Variants in SHROOM3 observed in about 807,000 individuals in gnomAD.
SHROOM3 encodes the protein protein Shroom3.
SHROOM3 carries 47 observed loss-of-function variants against 138.6 expected under a neutral mutation model. The ratio of observed to expected loss-of-function variants is 0.34; its 90% CI spans 0.27 to 0.43. The LOEUF is 0.43. SHROOM3 is among the 20% of genes least tolerant of loss of function. The pLI is 1.00. For synonymous variants in SHROOM3, 1,062 were observed against 1,063.3 expected, an observed-to-expected ratio of 1.00 and a Z score of 0.02; for missense variants, 2,491 against 2,596.5, an observed-to-expected ratio of 0.96 and a Z score of 0.88.
intron 2 of SHROOM3, among the ~76,000 whole-genome samples, chr4:76,709,371 T>G (rs545069622): frequency 6.6e-6 from 1 of 152,330 alleles, no homozygotes; most frequent in South Asian, 2.1e-4. Context: ...CAAAGCCTGA[T>G]GCAGGGGACA....
intron 1 of SHROOM3, among the ~76,000 whole-genome samples, chr4:76,535,644 ATGTT>A (rs547560241): frequency 1.2e-4 from 18 of 152,352 alleles, no homozygotes; most frequent in Non-Finnish European, 2.4e-4. Context: ...AAGTAATTTC[ATGTT>A]TATGGAAAAC....
At chr4:76,533,779 A>G (rs545978437) in intron 1 of SHROOM3, among the ~76,000 whole-genome samples, 1 of 152,344 alleles carries the variant, frequency 6.6e-6, no homozygotes, top group African/African-American at 2.4e-5. Context: ...TTAATTTTTT[A>G]AAAGGAGTTT....
intron 2 of SHROOM3, among the ~76,000 whole-genome samples, chr4:76,652,344 CAG>C (rs763873511): frequency 9.2e-5 from 14 of 152,066 alleles, no homozygotes; most frequent in Non-Finnish European, 1.6e-4. Context: ...AAGGTTCAGA[CAG>C]GGGGTCATGC....
At position 76,515,809 on chromosome 4, in the gene SHROOM3, G is replaced by A. The variant is rs190008702; in HGVS notation, c.169-39800G>A. Among the ~76,000 whole-genome samples the A allele has an allele frequency of 3.2e-4, 48 of 152,318 alleles. 1 individual carries two copies. The East Asian group carries it at 7.5e-3, about 24-fold the overall frequency. Reference sequence around the variant, plus strand: ...ATTTAAAGTCATGTTGAGAAGTCATGTAGGTGGTCTTTCTTCTAAGCTAGG... The same window carrying A: ...ATTTAAAGTCATGTTGAGAAGTCATATAGGTGGTCTTTCTTCTAAGCTAGG... On this transcript the variant is annotated intron_variant, in intron 1 of 10. Coordinates refer to ENST00000296043, the MANE Select transcript of SHROOM3 (RefSeq NM_020859.4).
intron 3 of SHROOM3, among the ~76,000 whole-genome samples, chr4:76,728,641 T>C (rs1446724218): frequency 6.6e-6 from 1 of 152,254 alleles, no homozygotes; most frequent in African/African-American, 2.4e-5. Flanking sequence ...GTCTTGATTT[T>C]GCATCTACTT....
chr4:76,505,909 C>G (rs1732200473), intron 1 of SHROOM3, among the ~76,000 whole-genome samples: 2 of 151,990 alleles, frequency 1.3e-5, no homozygotes, highest in Admixed American at 6.6e-5. Context: ...CCTCCTCCTC[C>G]CAAAGTGCTT....
Position 76,632,212 on chromosome 4 carries a change from G to A in SHROOM3, c.323+76449G>A, listed in dbSNP as rs890249186. 5.3e-5 allele frequency among the ~76,000 whole-genome samples: 8 copies of A among 152,296 alleles called. No individual in the cohort carries two copies. The South Asian group carries it at 1.7e-3, about 32-fold the overall frequency. On this transcript the variant is annotated intron_variant, in intron 2 of 10. Coordinates refer to ENST00000296043, the MANE Select transcript of SHROOM3 (RefSeq NM_020859.4). ...AAAAGAGTTTGGAATCTGAGGGAGA[G>A]AGAGAGCCAGAGAGAGAAAGTTGAG...
chr4:76,564,713 A>T (rs1305818339), intron 2 of SHROOM3, among the ~76,000 whole-genome samples: 1 of 152,214 alleles, frequency 6.6e-6, no homozygotes, highest in Non-Finnish European at 1.5e-5. Flanking sequence ...CTAGCTTCAT[A>T]CAAAGGAATG....
At position 76,755,051 on chromosome 4, in the gene SHROOM3, T is replaced by G. The variant is rs745489689; in HGVS notation, c.4568T>G (p.Phe1523Cys). ...CCCAAGGCCACGTCCAGCCCCACAT[T>G]TGAACCTCTTCCCCCACCCCCACCT... is the stretch of plus-strand genomic sequence containing the variant. ...PHPKATSSPT[F>C]EPLPPPPPPP... The change falls in exon 7 of 11, where the codon TTT (phenylalanine) becomes TGT (cysteine). Residue 1523 changes from phenylalanine to cysteine, a missense_variant. Transcript: ENST00000296043. The G allele has an allele frequency of 6.2e-7, 1 of 1,601,416 alleles. No homozygotes were observed. Among genetic ancestry groups the G allele is most frequent in the African/African-American group, 1.3e-5 (1 of 74,716 alleles).
At chr4:76,693,376 T>TTTTTG (rs1719617749) in intron 2 of SHROOM3, among the ~76,000 whole-genome samples, 2 of 124,834 alleles carry the variant, frequency 1.6e-5, no homozygotes, top group African/African-American at 3.4e-5. Flanking sequence ...GTTTGTTTTT[T>TTTTTG]TTTTTTTTTT....
chr4:76,495,342 A>G (rs997853137), intron 1 of SHROOM3, among the ~76,000 whole-genome samples: 25 of 152,242 alleles, frequency 1.6e-4, no homozygotes, highest in Non-Finnish European at 1.5e-5. Context: ...AGCAAAAAAA[A>G]TGAGGTTACA....
intron 2 of SHROOM3, among the ~76,000 whole-genome samples, chr4:76,637,874 C>G (rs1735544565): frequency 6.6e-6 from 1 of 152,168 alleles, no homozygotes; most frequent in South Asian, 2.1e-4. Flanking sequence ...GAACTGGGCT[C>G]AGTGCCTCTC....
chr4:76,532,612 A>G (rs116514689), intron 1 of SHROOM3, among the ~76,000 whole-genome samples: 18,753 of 152,058 alleles, frequency 0.12, 1,676 homozygotes, highest in African/African-American at 0.25. Flanking sequence ...TCTTAACTCA[A>G]CACTTATCAC....
At chr4:76,548,557 T>C (rs1733276822) in intron 1 of SHROOM3, among the ~76,000 whole-genome samples, 1 of 152,228 alleles carries the variant, frequency 6.6e-6, no homozygotes, top group Non-Finnish European at 1.5e-5. Context: ...GAATGTACTC[T>C]CATCACAGTG....
At chr4:76,708,475 G>A (rs1014989347) in intron 2 of SHROOM3, among the ~76,000 whole-genome samples, 7 of 152,134 alleles carry the variant, frequency 4.6e-5, no homozygotes, top group Non-Finnish European at 8.8e-5. Context: ...GAAAGCTCAG[G>A]CCTGGTCTTG....
intron 2 of SHROOM3, among the ~76,000 whole-genome samples, chr4:76,634,966 G>A (rs1027567963): frequency 5.3e-5 from 8 of 152,054 alleles, no homozygotes; most frequent in Non-Finnish European, 1.2e-4. Context: ...TCCAGCAATA[G>A]CATCATTGTA....
chr4:76,441,095 T>TTG (rs1730664880), intron 1 of SHROOM3, among the ~76,000 whole-genome samples: 1 of 132,386 alleles, frequency 7.6e-6, no homozygotes, highest in Non-Finnish European at 1.6e-5. Flanking sequence ...TGTTTTTTTT[T>TTG]TTTTTTTTTT....
intron 3 of SHROOM3, chr4:76,716,215 C>T (rs1720368332): frequency 4.3e-6 from 2 of 463,360 alleles, no homozygotes; most frequent in Admixed American, 2.2e-5. Flanking sequence ...GTCCCTCCCA[C>T]TTGCGCTGAG....
At chr4:76,607,795 C>G (rs1256166886) in intron 2 of SHROOM3, among the ~76,000 whole-genome samples, 2 of 152,054 alleles carry the variant, frequency 1.3e-5, no homozygotes, top group Non-Finnish European at 2.9e-5. Flanking sequence ...TTGTTTTTAC[C>G]CATAGGGCAT....
Sources: allele counts gnomAD v4.1 joint callset (sites outside exome capture counted in the v4.1 genomes callset), GRCh38; gene constraint gnomAD v4.1.1; transcripts MANE v1.5; gene names NCBI Gene and HGNC (gene_info 2026-07-23, HGNC 2026-07-21).